PCLO: variants seen among roughly 807,000 people sequenced by gnomAD.
PCLO encodes piccolo presynaptic cytomatrix protein, also known as protein piccolo.
A neutral mutation model predicts 427.5 loss-of-function variants in PCLO; 82 were observed. The ratio of observed to expected loss-of-function variants is 0.19; its 90% CI spans 0.16 to 0.23. The LOEUF is 0.23. PCLO is among the 10% of genes least tolerant of loss of function. PCLO has a pLI of 1.00. For missense variants in PCLO, 6,239 were observed against 6,115.9 expected, an observed-to-expected ratio of 1.02 and a Z score of -0.67; for synonymous variants, 2,357 against 2,155.4, an observed-to-expected ratio of 1.09 and a Z score of -2.59.
At chr7:82,815,915 T>C (rs766256633) in intron 20 of PCLO, among the ~76,000 whole-genome samples, 198 of 152,300 alleles carry the variant, frequency 1.3e-3, no homozygotes, top group Admixed American at 2.0e-3. Context: ...GATGGTTAGA[T>C]CTACGTCATT....
chr7:83,092,670 C>T (rs1346024654), intron 3 of PCLO, among the ~76,000 whole-genome samples: 4 of 152,012 alleles, frequency 2.6e-5, no homozygotes, highest in Non-Finnish European at 4.4e-5. Context: ...ATGAAGCAGG[C>T]CAGGCACGGT....
intron 9 of PCLO, among the ~76,000 whole-genome samples, chr7:82,893,620 G>T (rs1429185171): frequency 6.6e-6 from 1 of 151,702 alleles, no homozygotes; most frequent in Admixed American, 6.6e-5. Context: ...TCTATAACAG[G>T]ATTAGGACAC....
chr7:82,794,482 T>C (rs1169722975), intron 22 of PCLO, among the ~76,000 whole-genome samples: 1 of 116,104 alleles, frequency 8.6e-6, no homozygotes, highest in East Asian at 2.5e-4. Flanking sequence ...TTTTTTTTTT[T>C]TTTTTTTGAG....
chr7:82,919,174 C>T (rs1295534930), intron 6 of PCLO, among the ~76,000 whole-genome samples: 1 of 151,882 alleles, frequency 6.6e-6, no homozygotes, highest in Non-Finnish European at 1.5e-5. Context: ...CACCATGGCA[C>T]GTGTATACCT....
chr7:83,147,589 A>C (rs986084430), intron 2 of PCLO, among the ~76,000 whole-genome samples: 1 of 152,178 alleles, frequency 6.6e-6, no homozygotes, highest in African/African-American at 2.4e-5. Flanking sequence ...TCAAATCCTC[A>C]TTGTTATTTA....
chr7:82,952,696 C>G lies in PCLO; in HGVS notation c.8257G>C (p.Asp2753His). The G allele has an allele frequency of 6.2e-7, 1 of 1,613,850 alleles. No individual in the cohort carries two copies. Among genetic ancestry groups the G allele is most frequent in the Non-Finnish European group, 8.5e-7 (1 of 1,179,838 alleles). Reference sequence around the variant, plus strand: ...TTTGCTGTGATCTGCCTTTTCACATCCATTGTAGAAGCAGAAAGATCAATA... The same window carrying G: ...TTTGCTGTGATCTGCCTTTTCACATGCATTGTAGAAGCAGAAAGATCAATA... ...KCIDLSASTM[D>H]VKRQITANEV... is the part of the protein sequence containing the mutation. The change falls in exon 5 of 25, where the codon GAT becomes CAT. Residue 2753 changes from aspartate (D) to histidine (H), a missense_variant. By Grantham distance (81) the Asp-to-His change is moderately conservative (BLOSUM62 -1). This residue lies in a region of PCLO where 4,677 missense variants were observed against 4,468.4 expected (regional missense o/e 1.05). Coordinates refer to ENST00000333891, the MANE Select transcript of PCLO (RefSeq NM_033026.6).
chr7:83,098,986 GT>G (rs1790665217), intron 3 of PCLO, among the ~76,000 whole-genome samples: 1 of 151,986 alleles, frequency 6.6e-6, no homozygotes, highest in African/African-American at 2.4e-5. Flanking sequence ...TGAACAAGGA[GT>G]GGAAAAACAC....
chr7:82,812,560 T>C (rs1182578458), intron 20 of PCLO, among the ~76,000 whole-genome samples: 1 of 151,494 alleles, frequency 6.6e-6, no homozygotes, highest in Admixed American at 6.6e-5. Flanking sequence ...TTATCATAGA[T>C]GAAAATTAAG....
At chr7:82,914,397 T>C in intron 7 of PCLO, 2 of 540,238 alleles carry the variant, frequency 3.7e-6, no homozygotes, top group South Asian at 2.9e-5. Context: ...CCATATTTTA[T>C]TGACAGAATT....
chr7:82,876,455 T>TACACACAC (rs35270740), intron 10 of PCLO, among the ~76,000 whole-genome samples: 3,061 of 143,168 alleles, frequency 0.021, 65 homozygotes, highest in African/African-American at 0.046. Flanking sequence ...AAAACAAGTA[T>TACACACAC]ACACACACAC....
At chr7:83,135,925 C>T (rs1791716580) in intron 2 of PCLO, among the ~76,000 whole-genome samples, 1 of 151,804 alleles carries the variant, frequency 6.6e-6, no homozygotes, top group Admixed American at 6.6e-5. Flanking sequence ...TAGTGAAACC[C>T]CATCTCTACT....
rs1399568961 is a variant in PCLO at position 83,155,709 on chromosome 7, G to A, written c.932C>T (p.Pro311Leu). ...AGGCTGCTGTGCTGGAGGTTTTCCA[G>A]GAGTTGGTTGCTGAATAGGTGGTTT... Reference protein sequence around the residue: ...PSKPPIQQPTPGKPPAQQPGH... With the variant: ...PSKPPIQQPTLGKPPAQQPGH... Residue 311 changes from proline to leucine, a missense_variant, in exon 2 of 25, where the codon CCT becomes CTT. Pro to Leu is a moderately conservative substitution (Grantham distance 98). Coordinates refer to ENST00000333891, the MANE Select transcript of PCLO (RefSeq NM_033026.6). 4 of 1,613,884 alleles carry A rather than the reference G, an allele frequency of 2.5e-6. No homozygotes were observed. Among genetic ancestry groups the A allele is most frequent in the Non-Finnish European group, 3.4e-6 (4 of 1,179,894 alleles).
chr7:82,865,114 G>A, intron 10 of PCLO, among the ~76,000 whole-genome samples: 1 of 151,976 alleles, frequency 6.6e-6, no homozygotes, highest in East Asian at 1.9e-4. Context: ...TAAAACTGTG[G>A]CTCTTGGCTG....
intron 20 of PCLO, among the ~76,000 whole-genome samples, chr7:82,811,730 G>A (rs1366703356): frequency 6.6e-6 from 1 of 151,408 alleles, no homozygotes. Context: ...CTAGAAAAAT[G>A]GGCTAGCTTC....
chr7:82,792,691 C>T (rs940100594), intron 22 of PCLO, among the ~76,000 whole-genome samples: 5 of 152,150 alleles, frequency 3.3e-5, no homozygotes, highest in African/African-American at 9.6e-5. Flanking sequence ...TATCTCAACC[C>T]GTTATTTTAC....
Position 83,156,345 on chromosome 7 carries a change from G to C in PCLO, c.296C>G (p.Pro99Arg), listed in dbSNP as rs752030563. 1 of 1,612,204 alleles carries C rather than the reference G, an allele frequency of 6.2e-7. No individual in the cohort carries two copies. The change falls in exon 2 of 25, where the codon CCC becomes CGC. Residue 99 changes from proline (P) to arginine (R), a missense_variant. Physicochemically the swap from Pro to Arg is moderately radical, Grantham distance 103. Coordinates refer to ENST00000333891, the MANE Select transcript of PCLO (RefSeq NM_033026.6). ...TTGAGCTGGACGCCCAGGGTCCGGG[G>C]GTCTTCCTGATTGCTTTGGAGGATG... ...SSHPPKQSGR[P>R]PDPGRPAQPG...
intron 10 of PCLO, among the ~76,000 whole-genome samples, chr7:82,862,283 CA>C (rs1792977104): frequency 6.6e-6 from 1 of 151,600 alleles, no homozygotes; most frequent in Non-Finnish European, 1.5e-5. Flanking sequence ...GGCTTATGTC[CA>C]AAAGACAGGC....
rs779787990 is a variant in PCLO at position 82,845,413 on chromosome 7, T to C, written c.13904A>G (p.Gln4635Arg). 1.2e-6 allele frequency: 2 copies of C among 1,613,300 alleles called. No individual in the cohort carries two copies. Among genetic ancestry groups the C allele is most frequent in the South Asian group, 1.1e-5 (1 of 91,062 alleles). ...AACTGATGACAGAACCAGCGGTGAC[T>C]GCTGTAGTGAAACCTTCTGGAGTTC... is the stretch of plus-strand genomic sequence containing the variant. ...AAELQKVSLQ[Q>R]SPLVLSSVVE... is the part of the protein sequence containing the mutation. Residue 4635 changes from glutamine (Q) to arginine (R), a missense_variant, in exon 13 of 25, where the codon CAG (glutamine) becomes CGG (arginine). By Grantham distance (43) the Gln-to-Arg change is conservative. Transcript: ENST00000333891.
At chr7:83,025,731 G>T (rs1788476629) in intron 3 of PCLO, among the ~76,000 whole-genome samples, 1 of 152,128 alleles carries the variant, frequency 6.6e-6, no homozygotes, top group African/African-American at 2.4e-5. Flanking sequence ...TCAAAGGGAA[G>T]CCCATCAGAC....
Sources: gnomAD v4.1 joint callset for allele counts (sites outside exome capture counted in the v4.1 genomes callset) on GRCh38, gnomAD v4.1.1 for gene constraint, gnomAD v4.1.1 regional missense constraint, MANE v1.5 for transcripts, NCBI Gene and HGNC (gene_info 2026-07-23, HGNC 2026-07-21) for gene names.